Variants in KHDRBS3 observed in about 807,000 individuals in gnomAD.
The protein encoded by KHDRBS3 is KH domain-containing, RNA-binding, signal transduction-associated protein 3.
A neutral mutation model predicts 45.6 loss-of-function variants in KHDRBS3; 23 were observed. The ratio of observed to expected loss-of-function variants is 0.50; its 90% CI spans 0.36 to 0.72. The LOEUF (loss-of-function observed/expected upper bound fraction) is 0.72, where lower values mean the gene tolerates loss of function less well. Among genes scored for constraint, KHDRBS3 ranks in the 30% least tolerant of loss-of-function variants. KHDRBS3 has a pLI of 0.00. For missense variants in KHDRBS3, 352 were observed against 424.8 expected (o/e 0.83, Z 1.51); for synonymous variants, 162 against 156.5 (o/e 1.04, Z -0.26).
Position 135,521,333 on chromosome 8 carries a change from T to G in KHDRBS3, c.185T>G (p.Ile62Ser). ...KNMKLGQKVL[I>S]PVKQFPKFNF... ...ATGAAGCTGGGACAGAAAGTGTTAA[T>G]TCCCGTAAAACAGTTCCCTAAGGTA... Residue 62 changes from isoleucine to serine, a missense_variant, in exon 2 of 9, where the codon ATT (isoleucine) becomes AGT (serine). This residue lies in a region of KHDRBS3 where 9 missense variants were observed against 36.5 expected (regional missense o/e 0.25). Transcript: ENST00000355849. 6.2e-7 allele frequency: 1 copy of G among 1,609,642 alleles called. No homozygotes were observed.
chr8:135,492,773 C>T (rs1823224351), intron 1 of KHDRBS3, among the ~76,000 whole-genome samples: 1 of 152,008 alleles, frequency 6.6e-6, no homozygotes, highest in African/African-American at 2.4e-5. Context: ...ATTTTCCTCC[C>T]TGTTTATATA....
intron 4 of KHDRBS3, among the ~76,000 whole-genome samples, chr8:135,552,929 G>A (rs1158965669): frequency 1.3e-5 from 2 of 151,950 alleles, no homozygotes; most frequent in African/African-American, 4.8e-5. Context: ...GAAGACTCTC[G>A]CCATGTCCAC....
At chr8:135,514,651 G>A (rs1166625617) in intron 1 of KHDRBS3, among the ~76,000 whole-genome samples, 1 of 152,208 alleles carries the variant, frequency 6.6e-6, no homozygotes, top group African/African-American at 2.4e-5. Flanking sequence ...AGTGTGGATG[G>A]ACTGAACAGC....
intron 7 of KHDRBS3, among the ~76,000 whole-genome samples, chr8:135,620,225 G>A (rs533307136): frequency 1.6e-4 from 24 of 151,976 alleles, no homozygotes; most frequent in Admixed American, 1.4e-3. Context: ...GGCACGAGAC[G>A]GTGCCACTGT....
chr8:135,589,777 T>A (rs1828658315), intron 6 of KHDRBS3, among the ~76,000 whole-genome samples: 1 of 152,222 alleles, frequency 6.6e-6, no homozygotes, highest in African/African-American at 2.4e-5. Flanking sequence ...CCTGACATTT[T>A]GGAGATACTA....
At chr8:135,639,292 T>C (rs1165282741) in intron 7 of KHDRBS3, among the ~76,000 whole-genome samples, 2 of 152,276 alleles carry the variant, frequency 1.3e-5, no homozygotes, top group East Asian at 1.9e-4. Context: ...AAGTTGAAGA[T>C]TGAAGTTATT....
At chr8:135,475,943 A>G (rs1563705405) in intron 1 of KHDRBS3, among the ~76,000 whole-genome samples, 1 of 152,152 alleles carries the variant, frequency 6.6e-6, no homozygotes. Flanking sequence ...CTACTAAATT[A>G]CAGTAGATTA....
chr8:135,597,384 C>T (rs1221819989), intron 6 of KHDRBS3, among the ~76,000 whole-genome samples: 2 of 152,158 alleles, frequency 1.3e-5, no homozygotes, highest in Non-Finnish European at 2.9e-5. Flanking sequence ...AACATGCAAA[C>T]CACAGCACCC....
chr8:135,641,131 C>T (rs1369765720), intron 7 of KHDRBS3, among the ~76,000 whole-genome samples: 1 of 152,210 alleles, frequency 6.6e-6, no homozygotes, highest in Non-Finnish European at 1.5e-5. Flanking sequence ...CCTAATCCTG[C>T]TACCTTTTAT....
chr8:135,636,209 T>A (rs1830805356), intron 7 of KHDRBS3, among the ~76,000 whole-genome samples: 1 of 152,184 alleles, frequency 6.6e-6, no homozygotes, highest in Non-Finnish European at 1.5e-5. Context: ...GTGCTTTTCC[T>A]TGAGATCACC....
chr8:135,506,900 G>A (rs1423967381), intron 1 of KHDRBS3, among the ~76,000 whole-genome samples: 5 of 53,660 alleles, frequency 9.3e-5, no homozygotes, highest in African/African-American at 1.1e-4. Context: ...TTATAAGTTT[G>A]ATTCTCTCCT....
At chr8:135,549,073 T>G (rs2130799125) in intron 4 of KHDRBS3, 173 bp downstream of exon 4, 1 of 413,812 alleles carries the variant, frequency 2.4e-6, no homozygotes, top group East Asian at 3.6e-5. Context: ...GCATTATTCC[T>G]TATGTATATA....
At chr8:135,599,488 G>A (rs1829109742) in intron 6 of KHDRBS3, among the ~76,000 whole-genome samples, 1 of 152,174 alleles carries the variant, frequency 6.6e-6, no homozygotes. Flanking sequence ...TTGTAATACA[G>A]ACTGCATTTT....
chr8:135,482,978 C>A (rs922271768), intron 1 of KHDRBS3, among the ~76,000 whole-genome samples: 1 of 151,880 alleles, frequency 6.6e-6, no homozygotes, highest in Non-Finnish European at 1.5e-5. Flanking sequence ...TAGGAAAGAA[C>A]GATGTACGTA....
At chr8:135,558,184 T>C (rs1289661735) in intron 5 of KHDRBS3, among the ~76,000 whole-genome samples, 1 of 152,176 alleles carries the variant, frequency 6.6e-6, no homozygotes, top group African/African-American at 2.4e-5. Flanking sequence ...TTATTCACTG[T>C]AAAAGCTCTG....
intron 7 of KHDRBS3, among the ~76,000 whole-genome samples, chr8:135,631,445 T>A (rs1302686073): frequency 6.6e-6 from 1 of 152,112 alleles, no homozygotes; most frequent in Non-Finnish European, 1.5e-5. Context: ...GTTTTTAAAC[T>A]AATGTTTTGG....
chr8:135,644,565 A>G (rs1831202707), intron 7 of KHDRBS3, among the ~76,000 whole-genome samples: 1 of 152,260 alleles, frequency 6.6e-6, no homozygotes. Context: ...GTTCTCTGGT[A>G]GACGAGGGTG....
intron 1 of KHDRBS3, among the ~76,000 whole-genome samples, chr8:135,487,413 A>G (rs1269645146): frequency 2.0e-5 from 3 of 152,206 alleles, no homozygotes; most frequent in Non-Finnish European, 4.4e-5. Flanking sequence ...TTAAATACCT[A>G]CTATAGCAGA....
chr8:135,491,140 TCTC>T (rs1823129926), intron 1 of KHDRBS3, among the ~76,000 whole-genome samples: 1 of 152,188 alleles, frequency 6.6e-6, no homozygotes, highest in African/African-American at 2.4e-5. Context: ...ATGGTATTGC[TCTC>T]CTCTGCCTCA....
Sources: gnomAD v4.1 joint callset for allele counts (sites outside exome capture counted in the v4.1 genomes callset) on GRCh38, gnomAD v4.1.1 for gene constraint, gnomAD v4.1.1 regional missense constraint, MANE v1.5 for transcripts, NCBI Gene and HGNC (gene_info 2026-07-23, HGNC 2026-07-21) for gene names.